CNTN5: variants seen among roughly 807,000 people sequenced by gnomAD.
The protein encoded by CNTN5 is contactin 5.
Under a neutral mutation model 129.1 loss-of-function variants are expected in CNTN5, and 77 were observed. That is an observed-to-expected ratio of 0.60 (90% CI 0.50 to 0.72). The LOEUF is 0.72. Ranked by LOEUF, CNTN5 falls within the 30% of genes least tolerant of loss-of-function variation. CNTN5 has a pLI of 0.00. For missense variants in CNTN5, 1,478 were observed against 1,328.8 expected (o/e 1.11, Z -1.75); for synonymous variants, 509 against 465.6 (o/e 1.09, Z -1.20).
chr11:99,534,633 T>G (rs1026181908), intron 2 of CNTN5, among the ~76,000 whole-genome samples: 13 of 152,278 alleles, frequency 8.5e-5, no homozygotes, highest in Admixed American at 2.0e-4. Context: ...TATACTTGAA[T>G]TTTTGCTTTA....
intron 1 of CNTN5, among the ~76,000 whole-genome samples, chr11:99,157,571 A>T (rs1289869549): frequency 2.0e-5 from 3 of 152,120 alleles, no homozygotes; most frequent in African/African-American, 7.2e-5. Context: ...GTAGATTTTT[A>T]AAAACAATGT....
chr11:100,053,394 G>C (rs61908080), intron 9 of CNTN5, among the ~76,000 whole-genome samples: 32,570 of 151,442 alleles, frequency 0.22, 4,093 homozygotes, highest in East Asian at 0.46. Flanking sequence ...TACATTTAAT[G>C]CTGGGAAGGA....
intron 13 of CNTN5, among the ~76,000 whole-genome samples, chr11:100,143,846 G>GAGATC (rs1334327413): frequency 6.6e-6 from 1 of 152,138 alleles, no homozygotes; most frequent in Non-Finnish European, 1.5e-5. Context: ...TTGGTAGGGA[G>GAGATC]AGATCAGGTG....
chr11:100,105,902 A>T (rs1158568227), intron 13 of CNTN5, among the ~76,000 whole-genome samples: 3 of 152,198 alleles, frequency 2.0e-5, no homozygotes, highest in Non-Finnish European at 4.4e-5. Flanking sequence ...ACTCTTAGTC[A>T]AACAAGCCTT....
chr11:99,141,891 G>C (rs573823462), intron 1 of CNTN5, among the ~76,000 whole-genome samples: 89 of 152,274 alleles, frequency 5.8e-4, no homozygotes, highest in African/African-American at 2.1e-3. Context: ...CTTTGAATTT[G>C]TTGAGAATTG....
At chr11:99,044,857 T>C (rs1285623342) in intron 1 of CNTN5, among the ~76,000 whole-genome samples, 1 of 152,130 alleles carries the variant, frequency 6.6e-6, no homozygotes. Flanking sequence ...ACTATCAATG[T>C]TATTAGGAGA....
At chr11:99,621,714 A>T (rs1325251358) in intron 3 of CNTN5, among the ~76,000 whole-genome samples, 1 of 152,172 alleles carries the variant, frequency 6.6e-6, no homozygotes, top group Non-Finnish European at 1.5e-5. Flanking sequence ...CAACTGTAAC[A>T]TTTCTTTATT....
At chr11:99,970,220 C>T (rs1444161210) in intron 8 of CNTN5, among the ~76,000 whole-genome samples, 5 of 152,152 alleles carry the variant, frequency 3.3e-5, no homozygotes, top group Non-Finnish European at 7.3e-5. Context: ...TTCTGTAGCT[C>T]ACTTAAGATG....
At chr11:99,385,399 C>T (rs1940865947) in intron 2 of CNTN5, among the ~76,000 whole-genome samples, 1 of 152,038 alleles carries the variant, frequency 6.6e-6, no homozygotes, top group Admixed American at 6.6e-5. Flanking sequence ...TTGAAATCAC[C>T]AATCCAGCTT....
At chr11:100,104,421 T>A (rs1945345234) in intron 13 of CNTN5, among the ~76,000 whole-genome samples, 1 of 151,996 alleles carries the variant, frequency 6.6e-6, no homozygotes, top group African/African-American at 2.4e-5. Context: ...TTAGGCATCA[T>A]AGTGTCATTA....
At chr11:99,292,494 T>G (rs1358618534) in intron 1 of CNTN5, among the ~76,000 whole-genome samples, 2 of 152,106 alleles carry the variant, frequency 1.3e-5, no homozygotes, top group Admixed American at 6.6e-5. Context: ...TGGCTAGGAC[T>G]TCCAGTACTA....
At chr11:100,140,993 A>G (rs1452767908) in intron 13 of CNTN5, among the ~76,000 whole-genome samples, 3 of 152,164 alleles carry the variant, frequency 2.0e-5, no homozygotes, top group Non-Finnish European at 4.4e-5. Flanking sequence ...TAATGTTCAC[A>G]TCAAAGGGCT....
intron 3 of CNTN5, among the ~76,000 whole-genome samples, chr11:99,766,121 TTAGA>T (rs1267461604): frequency 5.3e-5 from 8 of 152,064 alleles, no homozygotes; most frequent in Non-Finnish European, 1.2e-4. Context: ...GATTTAGCTA[TTAGA>T]TAAACATGTT....
At chr11:99,989,954 A>G (rs912691114) in intron 8 of CNTN5, among the ~76,000 whole-genome samples, 10 of 152,040 alleles carry the variant, frequency 6.6e-5, no homozygotes, top group African/African-American at 2.4e-4. Context: ...TTTAGTAGAG[A>G]CGGGGTTTCA....
At chr11:99,548,762 T>A (rs2135516295) in intron 2 of CNTN5, among the ~76,000 whole-genome samples, 1 of 152,308 alleles carries the variant, frequency 6.6e-6, no homozygotes, top group East Asian at 1.9e-4. Flanking sequence ...TATAGTTACT[T>A]TCTTTTTCTC....
At chr11:100,337,664 A>C (rs1052336564) in intron 21 of CNTN5, 2 of 637,802 alleles carry the variant, frequency 3.1e-6, no homozygotes, top group African/African-American at 3.6e-5. Context: ...TTACAGCTGG[A>C]CCTAGCTTCA....
chr11:100,311,303 C>G (rs1426344754), intron 21 of CNTN5, among the ~76,000 whole-genome samples: 1 of 151,856 alleles, frequency 6.6e-6, no homozygotes, highest in East Asian at 1.9e-4. Context: ...ACCCAAGAAA[C>G]TAGGTAAATG....
chr11:100,208,717 A>C (rs1948963424), intron 15 of CNTN5, among the ~76,000 whole-genome samples: 2 of 152,180 alleles, frequency 1.3e-5, no homozygotes, highest in Non-Finnish European at 2.9e-5. Flanking sequence ...ACCAGAATCC[A>C]CAGAAGTCTC....
intron 15 of CNTN5, among the ~76,000 whole-genome samples, chr11:100,205,014 TA>T (rs1302440856): frequency 6.6e-6 from 1 of 152,058 alleles, no homozygotes; most frequent in Non-Finnish European, 1.5e-5. Context: ...CCTTCTTAGA[TA>T]AAAGATTGTT....
Sources: allele counts gnomAD v4.1 joint callset (sites outside exome capture counted in the v4.1 genomes callset), GRCh38; gene constraint gnomAD v4.1.1; transcripts MANE v1.5; gene names NCBI Gene and HGNC (gene_info 2026-07-23, HGNC 2026-07-21).